The following XIRP2 variants were observed in gnomAD, a reference collection of about 807,000 sequenced individuals.
XIRP2 encodes xin actin-binding repeat-containing protein 2.
A neutral mutation model predicts 277.0 loss-of-function variants in XIRP2; 236 were observed. The ratio of observed to expected loss-of-function variants is 0.85; its 90% CI spans 0.77 to 0.95. XIRP2 has a LOEUF of 0.95. Among genes scored for constraint, XIRP2 ranks in the 40% least tolerant of loss-of-function variants. The probability of loss-of-function intolerance (pLI) is 0.00; values close to 1 mark genes in which losing one functional copy is unlikely to be tolerated. For missense variants in XIRP2, 4,640 were observed against 4,157.5 expected, an observed-to-expected ratio of 1.12 and a Z score of -3.19; for synonymous variants, 1,490 against 1,416.5, an observed-to-expected ratio of 1.05 and a Z score of -1.17.
At chr2:167,057,462 G>A (rs1186512254) in intron 2 of XIRP2, among the ~76,000 whole-genome samples, 1 of 152,162 alleles carries the variant, frequency 6.6e-6, no homozygotes, top group African/African-American at 2.4e-5. Flanking sequence ...GGCAGACATA[G>A]AATGCTGAGG....
intron 2 of XIRP2, among the ~76,000 whole-genome samples, chr2:167,091,714 G>T (rs906354763): frequency 6.6e-5 from 10 of 152,004 alleles, no homozygotes; most frequent in Non-Finnish European, 1.3e-4. Context: ...TTTCTGACTA[G>T]TATTGGACAT....
chr2:167,231,430 G>A (rs1354873184), intron 5 of XIRP2, among the ~76,000 whole-genome samples: 2 of 151,874 alleles, frequency 1.3e-5, no homozygotes, highest in Non-Finnish European at 2.9e-5. Context: ...AGTAAGATTT[G>A]GATAGTGCTT....
At chr2:167,070,318 G>A (rs879673450) in intron 2 of XIRP2, among the ~76,000 whole-genome samples, 3 of 151,902 alleles carry the variant, frequency 2.0e-5, no homozygotes, top group Admixed American at 2.0e-4. Flanking sequence ...AGTATTTTTG[G>A]CAATCTTTGT....
At chr2:167,131,379 A>G (rs1360829232) in intron 2 of XIRP2, among the ~76,000 whole-genome samples, 1 of 152,088 alleles carries the variant, frequency 6.6e-6, no homozygotes, top group East Asian at 1.9e-4. Flanking sequence ...TTTAAAACAA[A>G]CAAAACACAT....
chr2:167,051,162 A>G (rs761278759), intron 2 of XIRP2, among the ~76,000 whole-genome samples: 5 of 152,076 alleles, frequency 3.3e-5, no homozygotes, highest in African/African-American at 4.8e-5. Flanking sequence ...TCTACCCGCT[A>G]CTGTGAGAAT....
Position 167,183,728 on chromosome 2 carries a change from A to G in XIRP2, c.563-27007A>G, listed in dbSNP as rs547474260. ...TTATCTGCTAATTTAAGTATCTACAACACCTGCTTCCTTGAAAAGTTTTTT... is the reference window on the plus strand; with the variant it reads ...TTATCTGCTAATTTAAGTATCTACAGCACCTGCTTCCTTGAAAAGTTTTTT... On this transcript the variant is annotated intron_variant, in intron 3 of 10. Coordinates refer to ENST00000409195, the MANE Select transcript of XIRP2 (RefSeq NM_152381.6). Among the ~76,000 whole-genome samples the G allele has an allele frequency of 2.6e-5, 4 of 151,924 alleles. No individual in the cohort carries two copies. The East Asian group carries it at 7.7e-4, about 29-fold the overall frequency.
intron 2 of XIRP2, among the ~76,000 whole-genome samples, chr2:167,057,493 A>G (rs1002255947): frequency 6.6e-6 from 1 of 152,218 alleles, no homozygotes; most frequent in Non-Finnish European, 1.5e-5. Flanking sequence ...CTTGGGTTAC[A>G]CATGCACCTT....
At chr2:167,039,888 T>A (rs775898363) in intron 2 of XIRP2, among the ~76,000 whole-genome samples, 15 of 152,190 alleles carry the variant, frequency 9.9e-5, no homozygotes, top group Non-Finnish European at 1.5e-4. Flanking sequence ...TAATTTTACA[T>A]ATAGGTAAAT....
chr2:167,053,900 G>C (rs1464569854), intron 2 of XIRP2, among the ~76,000 whole-genome samples: 1 of 152,156 alleles, frequency 6.6e-6, no homozygotes, highest in Non-Finnish European at 1.5e-5. Context: ...AGCTGAGTGA[G>C]AAGATGCAAA....
intron 3 of XIRP2, among the ~76,000 whole-genome samples, chr2:167,148,913 C>T (rs1691937304): frequency 6.6e-6 from 1 of 151,754 alleles, no homozygotes. Flanking sequence ...AGTTCCCATA[C>T]TAATCTAGGA....
intron 2 of XIRP2, among the ~76,000 whole-genome samples, chr2:167,024,269 T>C (rs1304349981): frequency 3.9e-5 from 6 of 152,136 alleles, no homozygotes; most frequent in African/African-American, 1.4e-4. Context: ...GTTATTGGTG[T>C]ATAAGAATGC....
chr2:167,103,762 G>A (rs1038805551), intron 2 of XIRP2, among the ~76,000 whole-genome samples: 1 of 152,050 alleles, frequency 6.6e-6, no homozygotes, highest in Non-Finnish European at 1.5e-5. Context: ...ACGCTAGCTG[G>A]TATGTCTTTG....
In XIRP2 at chr2:167,077,680, T is replaced by C. The variant is rs139203654; in HGVS notation, c.409-58229T>C. On this transcript the variant is annotated intron_variant, in intron 2 of 10. Transcript: ENST00000409195. ...ACCTGGGGAAAGTATGGTTCTACCATACAGAACAGCAAGTGCTAAGGCCTG... is the reference window on the plus strand; with the variant it reads ...ACCTGGGGAAAGTATGGTTCTACCACACAGAACAGCAAGTGCTAAGGCCTG... Among the ~76,000 whole-genome samples, 646 of 152,238 alleles carry C rather than the reference T, an allele frequency of 4.2e-3. 2 individuals are homozygous for C. The highest frequency in any genetic ancestry group is 7.4e-3 in the Non-Finnish European group (501 of 68,010).
At chr2:167,098,048 G>A (rs1690371888) in intron 2 of XIRP2, among the ~76,000 whole-genome samples, 2 of 152,136 alleles carry the variant, frequency 1.3e-5, no homozygotes. Context: ...TTCTCGAGGA[G>A]TATCTTTGTG....
At chr2:167,004,580 C>G (rs1474226870) in intron 2 of XIRP2, among the ~76,000 whole-genome samples, 1 of 151,626 alleles carries the variant, frequency 6.6e-6, no homozygotes, top group Admixed American at 6.6e-5. Context: ...AACGTAAGGC[C>G]TCTGAACTGT....
intron 3 of XIRP2, among the ~76,000 whole-genome samples, chr2:167,191,205 A>AAAAG (rs1374656994): frequency 2.7e-5 from 4 of 150,502 alleles, no homozygotes; most frequent in African/African-American, 9.9e-5. Flanking sequence ...AAAAAAAAGA[A>AAAAG]AAAGAAAGAA....
At chr2:167,090,974 A>G (rs1213182997) in intron 2 of XIRP2, among the ~76,000 whole-genome samples, 1 of 152,144 alleles carries the variant, frequency 6.6e-6, no homozygotes, top group Non-Finnish European at 1.5e-5. Context: ...GCACAACAAT[A>G]TCTTGCCAGA....
intron 2 of XIRP2, among the ~76,000 whole-genome samples, chr2:166,973,590 T>G (rs1231851028): frequency 6.6e-6 from 1 of 152,174 alleles, no homozygotes; most frequent in African/African-American, 2.4e-5. Context: ...CTCTCTGTAC[T>G]GCAGGTTCTT....
At chr2:166,939,881 T>G (rs991151853) in intron 2 of XIRP2, among the ~76,000 whole-genome samples, 1 of 152,106 alleles carries the variant, frequency 6.6e-6, no homozygotes, top group African/African-American at 2.4e-5. Context: ...CCCTTCACAT[T>G]TTTTCCTTCA....
Sources: allele counts gnomAD v4.1 joint callset (sites outside exome capture counted in the v4.1 genomes callset), GRCh38; gene constraint gnomAD v4.1.1; transcripts MANE v1.5; gene names NCBI Gene and HGNC (gene_info 2026-07-23, HGNC 2026-07-21).